Variants in PEBP4 observed in about 807,000 individuals in gnomAD.
PEBP4 encodes phosphatidylethanolamine binding protein 4, also known as phosphatidylethanolamine-binding protein 4.
A neutral mutation model predicts 23.9 loss-of-function variants in PEBP4; 22 were observed. The observed-to-expected ratio is 0.92, with a 90% CI of 0.66 to 1.31. The LOEUF is 1.31. PEBP4 is among the 40% of genes most tolerant of loss of function. The pLI, the probability that PEBP4 is intolerant of heterozygous loss-of-function variation, is 0.00. For synonymous variants in PEBP4, 112 were observed against 99.3 expected, an observed-to-expected ratio of 1.13 and a Z score of -0.76; for missense variants, 324 against 281.7, an observed-to-expected ratio of 1.15 and a Z score of -1.07.
At chr8:22,872,044 T>C (rs1808017431) in intron 3 of PEBP4, among the ~76,000 whole-genome samples, 1 of 152,234 alleles carries the variant, frequency 6.6e-6, no homozygotes, top group African/African-American at 2.4e-5. Flanking sequence ...TTTCCATTCC[T>C]GAGTTATTTC....
intron 4 of PEBP4, among the ~76,000 whole-genome samples, chr8:22,799,703 G>A (rs189937518): frequency 7.3e-5 from 11 of 150,758 alleles, no homozygotes; most frequent in Admixed American, 4.0e-4. Flanking sequence ...TCCCTCCCCC[G>A]TCCCCCAATC....
intron 3 of PEBP4, among the ~76,000 whole-genome samples, chr8:22,836,913 C>A (rs1807216666): frequency 6.6e-6 from 1 of 151,956 alleles, no homozygotes; most frequent in Non-Finnish European, 1.5e-5. Flanking sequence ...TCCTAAGCAA[C>A]AAAGGGTGTG....
intron 6 of PEBP4, among the ~76,000 whole-genome samples, chr8:22,716,556 G>A (rs914586692): frequency 6.6e-6 from 1 of 152,216 alleles, no homozygotes; most frequent in Non-Finnish European, 1.5e-5. Context: ...AGGAATGTTT[G>A]GAAAAGGCCC....
At chr8:22,723,254 C>T (rs1295157163) in intron 6 of PEBP4, among the ~76,000 whole-genome samples, 1 of 152,110 alleles carries the variant, frequency 6.6e-6, no homozygotes, top group East Asian at 1.9e-4. Context: ...AGGGGTGGGT[C>T]AGGCCTCTGC....
At chr8:22,719,207 C>A (rs1246545027) in intron 6 of PEBP4, among the ~76,000 whole-genome samples, 1 of 152,198 alleles carries the variant, frequency 6.6e-6, no homozygotes, top group South Asian at 2.1e-4. Flanking sequence ...CCTCTGAGGG[C>A]CCTGAGGCTG....
chr8:22,889,134 T>G (rs1315884837), intron 3 of PEBP4, among the ~76,000 whole-genome samples: 2 of 152,232 alleles, frequency 1.3e-5, no homozygotes, highest in Non-Finnish European at 2.9e-5. Context: ...TGACTTGATT[T>G]GATTTGGACT....
chr8:22,774,562 G>A lies in PEBP4; in HGVS notation c.357+43075C>T, dbSNP rs536121440. On this transcript the variant is annotated intron_variant, in intron 4 of 6. Transcript: ENST00000256404. Reference sequence around the variant, plus strand: ...GCCAGAGAGGGAAGGAGGCCCCGCAGGGAGGAGTCAGCAAGAGAAAAATCA... The same window carrying A: ...GCCAGAGAGGGAAGGAGGCCCCGCAAGGAGGAGTCAGCAAGAGAAAAATCA... Among the ~76,000 whole-genome samples the A allele has an allele frequency of 1.4e-3, 213 of 152,346 alleles. 2 individuals carry two copies. Among genetic ancestry groups the A allele is most frequent in the African/African-American group, 4.7e-3 (197 of 41,592 alleles).
intron 4 of PEBP4, among the ~76,000 whole-genome samples, chr8:22,774,854 C>T (rs1805784158): frequency 2.0e-5 from 3 of 152,130 alleles, no homozygotes; most frequent in Non-Finnish European, 4.4e-5. Context: ...TGGAAAGAAA[C>T]CAATCTGACT....
intron 4 of PEBP4, among the ~76,000 whole-genome samples, chr8:22,756,261 T>C (rs973490960): frequency 6.6e-6 from 1 of 152,152 alleles, no homozygotes; most frequent in African/African-American, 2.4e-5. Flanking sequence ...GGAGCAGGAC[T>C]GGGGAGGGCG....
intron 4 of PEBP4, among the ~76,000 whole-genome samples, chr8:22,731,257 G>C (rs1804725277): frequency 6.6e-6 from 1 of 151,948 alleles, no homozygotes; most frequent in African/African-American, 2.4e-5. Context: ...CACCTCTTCT[G>C]CCTCTGCCAC....
chr8:22,743,359 A>G lies in PEBP4; in HGVS notation c.358-16139T>C, dbSNP rs563935294. Among the ~76,000 whole-genome samples the G allele has an allele frequency of 7.2e-5, 11 of 152,350 alleles. No individual in the cohort carries two copies. In the East Asian group the frequency reaches 2.1e-3, roughly 29 times the overall value. ...AAGAAGGGGCCTGAGCTCTTGCTGG[A>G]GCCTCTAATGACGGGGTTGAGGTGT... On this transcript the variant is annotated intron_variant, in intron 4 of 6. Coordinates refer to ENST00000256404, the MANE Select transcript of PEBP4 (RefSeq NM_144962.3).
intron 3 of PEBP4, among the ~76,000 whole-genome samples, chr8:22,834,093 G>C (rs1807148948): frequency 6.6e-6 from 1 of 152,192 alleles, no homozygotes; most frequent in East Asian, 1.9e-4. Context: ...GGGTCCTGGA[G>C]ATGAAGGGGA....
intron 4 of PEBP4, among the ~76,000 whole-genome samples, chr8:22,813,936 C>T (rs1179746080): frequency 6.6e-6 from 1 of 152,188 alleles, no homozygotes; most frequent in Non-Finnish European, 1.5e-5. Context: ...AGATTCCTTC[C>T]TTGGTCTCTA....
chr8:22,805,171 G>A (rs765640506), intron 4 of PEBP4, among the ~76,000 whole-genome samples: 2 of 152,182 alleles, frequency 1.3e-5, no homozygotes, highest in Non-Finnish European at 2.9e-5. Flanking sequence ...TTTAGGGCAG[G>A]TCAGCTACTC....
chr8:22,862,949 C>T (rs1187662518), intron 3 of PEBP4, among the ~76,000 whole-genome samples: 8 of 152,114 alleles, frequency 5.3e-5, no homozygotes, highest in African/African-American at 1.9e-4. Flanking sequence ...TACAAGCGCC[C>T]GCCCCCACGC....
At chr8:22,918,602 C>T (rs761798785) in intron 3 of PEBP4, among the ~76,000 whole-genome samples, 7 of 152,214 alleles carry the variant, frequency 4.6e-5, no homozygotes, top group Non-Finnish European at 1.0e-4. Context: ...GCATCATCAG[C>T]ACGCGGAAGG....
intron 2 of PEBP4, among the ~76,000 whole-genome samples, chr8:22,923,964 T>A (rs1809268872): frequency 6.6e-6 from 1 of 152,218 alleles, no homozygotes; most frequent in Non-Finnish European, 1.5e-5. Context: ...GGTATTTTGT[T>A]ATGGTAGCTG....
intron 4 of PEBP4, among the ~76,000 whole-genome samples, chr8:22,750,290 C>T (rs1025539953): frequency 2.6e-5 from 4 of 151,688 alleles, no homozygotes; most frequent in African/African-American, 7.3e-5. Context: ...TTAGTAGAGA[C>T]GGGGTTTCAC....
At chr8:22,919,087 A>C (rs1358067354) in intron 3 of PEBP4, among the ~76,000 whole-genome samples, 2 of 152,228 alleles carry the variant, frequency 1.3e-5, no homozygotes, top group Non-Finnish European at 2.9e-5. Flanking sequence ...TCTGATAGTG[A>C]AAAACACTTC....
Sources: gnomAD v4.1 joint callset for allele counts (sites outside exome capture counted in the v4.1 genomes callset) on GRCh38, gnomAD v4.1.1 for gene constraint, MANE v1.5 for transcripts, NCBI Gene and HGNC (gene_info 2026-07-23, HGNC 2026-07-21) for gene names.